The following ICE2 variants were observed in gnomAD, a reference collection of about 807,000 sequenced individuals.
ICE2 encodes little elongation complex subunit 2.
A neutral mutation model predicts 105.4 loss-of-function variants in ICE2; 87 were observed. The observed-to-expected ratio is 0.83, with a 90% CI of 0.69 to 0.99. ICE2 has a LOEUF of 0.99. Among genes scored for constraint, ICE2 ranks in the 50% least tolerant of loss-of-function variants. The probability of loss-of-function intolerance (pLI) is 0.00; values close to 1 mark genes in which losing one functional copy is unlikely to be tolerated. For synonymous variants in ICE2, 399 were observed against 392.0 expected (o/e 1.02, Z -0.21); for missense variants, 1,323 against 1,146.7 (o/e 1.15, Z -2.22).
chr15:60,450,285 G>A (rs992796894), intron 9 of ICE2, among the ~76,000 whole-genome samples: 7 of 152,260 alleles, frequency 4.6e-5, no homozygotes, highest in South Asian at 2.1e-4. Flanking sequence ...TTTTTAATGC[G>A]TCCAGAGAAG....
chr15:60,458,278 C>T (rs1427641393), intron 5 of ICE2, among the ~76,000 whole-genome samples: 2 of 152,038 alleles, frequency 1.3e-5, no homozygotes, highest in African/African-American at 4.8e-5. Flanking sequence ...TCAGGCTGTT[C>T]CCCATCACTC....
At chr15:60,433,805 A>T (rs887969310) in intron 13 of ICE2, among the ~76,000 whole-genome samples, 9 of 145,102 alleles carry the variant, frequency 6.2e-5, no homozygotes, top group African/African-American at 2.1e-4. Context: ...CCTTTTTTTT[A>T]AAAAAAAAAA....
At position 60,428,569 on chromosome 15, in the gene ICE2, C is replaced by A; in HGVS notation, c.2680G>T (p.Gly894Cys). 1 of 1,613,972 alleles carries A rather than the reference C, an allele frequency of 6.2e-7. No individual in the cohort carries two copies. The highest frequency in any genetic ancestry group is 8.5e-7 in the Non-Finnish European group (1 of 1,179,998). ...AGACTGGAAGGTACACCAGGAAGGC[C>A]GCAATGTGTTTTATACAAATTGTAT... ...TAYNLYKTHC[G>C]LPGVPSSLSV... The change falls in exon 15 of 16, where the codon GGC (glycine) becomes TGC (cysteine). Residue 894 changes from glycine to cysteine, a missense_variant. Physicochemically the swap from Gly to Cys is radical, Grantham distance 159 (BLOSUM62 -3). Coordinates refer to ENST00000261520, the MANE Select transcript of ICE2 (RefSeq NM_024611.6).
At position 60,428,146 on chromosome 15, in the gene ICE2, ATAAGGGTT is replaced by A. The variant is rs374845479; in HGVS notation, c.2820+275_2820+282del. 2.2e-3 allele frequency among the ~76,000 whole-genome samples: 330 copies of A among 152,342 alleles called. 1 individual carries two copies. Among genetic ancestry groups the A allele is most frequent in the African/African-American group, 7.7e-3 (320 of 41,576 alleles). On this transcript the variant is annotated intron_variant, in intron 15 of 15. Coordinates refer to ENST00000261520, the MANE Select transcript of ICE2 (RefSeq NM_024611.6). ...CCACAACTTTGCTTTTCATAGGAAT[ATAAGGGTT>A]TAACTACATGGATGCCTTACCCATA...
chr15:60,435,637 G>A (rs999489945), intron 13 of ICE2, among the ~76,000 whole-genome samples: 22 of 149,308 alleles, frequency 1.5e-4, no homozygotes, highest in African/African-American at 5.2e-4. Context: ...CCCAAAATAC[G>A]TATAACCGTC....
Position 60,449,107 on chromosome 15 carries a change from A to G in ICE2, c.1860T>C (p.Asn620=), listed in dbSNP as rs945371322. ...SGQASVGNQT[N]TACSPEESCV... is the part of the protein sequence containing the mutation. The stretch of plus-strand genomic sequence containing the variant: ...ATGACTCTTCAGGACTACAAGCAGT[A>G]TTAGTCTGGTTTCCTACAGAAGCCT... Residue 620 remains asparagine (N), a synonymous_variant, in exon 10 of 16, where the codon AAT becomes AAC. Transcript: ENST00000261520. The G allele has an allele frequency of 6.2e-7, 1 of 1,613,976 alleles. No individual in the cohort carries two copies. Among genetic ancestry groups the G allele is most frequent in the African/African-American group, 1.3e-5 (1 of 74,926 alleles).
chr15:60,466,473 G>A, intron 5 of ICE2, 121 bp downstream of exon 5: 1 of 1,105,568 alleles, frequency 9.0e-7, no homozygotes, highest in South Asian at 1.4e-5. Flanking sequence ...GAAAAGACCT[G>A]TGGTTTTTAA....
intron 5 of ICE2, among the ~76,000 whole-genome samples, chr15:60,460,391 G>A (rs1476440156): frequency 1.3e-5 from 2 of 152,154 alleles, no homozygotes; most frequent in Non-Finnish European, 2.9e-5. Flanking sequence ...TCAGCTACTC[G>A]GTAGGCCGAG....
At chr15:60,443,187 G>A (rs1327821748) in intron 11 of ICE2, 2 of 152,124 alleles carry the variant, frequency 1.3e-5, no homozygotes. Flanking sequence ...ACCTATTACT[G>A]GCCTAAGGGA....
At chr15:60,452,175 T>C in intron 9 of ICE2, 1 of 967,596 alleles carries the variant, frequency 1.0e-6, no homozygotes, top group Non-Finnish European at 1.2e-6. Flanking sequence ...GAAGAAAACA[T>C]AAGTTAAAAA....
At chr15:60,442,690 A>ATT in intron 11 of ICE2, 145 bp from the exon 12 acceptor site, 1 of 605,658 alleles carries the variant, frequency 1.7e-6, no homozygotes, top group Non-Finnish European at 2.8e-6. Flanking sequence ...TCACACTGTA[A>ATT]GATGGATACA....
At chr15:60,444,271 A>G (rs753312161) in intron 11 of ICE2, among the ~76,000 whole-genome samples, 13 of 152,172 alleles carry the variant, frequency 8.5e-5, no homozygotes, top group African/African-American at 1.4e-4. Flanking sequence ...TAAAAAGCAA[A>G]TACTTTGGGA....
At chr15:60,428,334 G>A in intron 15 of ICE2, 95 bp downstream of exon 15, 1 of 1,298,478 alleles carries the variant, frequency 7.7e-7, no homozygotes, top group Non-Finnish European at 1.1e-6. Flanking sequence ...TGATTAATAT[G>A]ACAATGAGAA....
At chr15:60,468,032 T>C in intron 4 of ICE2, 29 bp downstream of exon 4, 1 of 1,481,950 alleles carries the variant, frequency 6.7e-7, no homozygotes, top group Non-Finnish European at 9.0e-7. Context: ...TTATTATTTT[T>C]TCCTGAAACT....
chr15:60,467,399 A>C (rs1274813219), intron 4 of ICE2, among the ~76,000 whole-genome samples: 1 of 152,254 alleles, frequency 6.6e-6, no homozygotes, highest in African/African-American at 2.4e-5. Context: ...TCATAAATTA[A>C]ATTAATGTAA....
chr15:60,477,923 T>C lies in ICE2; in HGVS notation c.41+14A>G, dbSNP rs759779089. The C allele has an allele frequency of 6.2e-7, 1 of 1,611,666 alleles. No individual in the cohort carries two copies. The highest frequency in any genetic ancestry group is 8.5e-7 in the Non-Finnish European group (1 of 1,177,740). ...CACTCCTCTTCAGTGGATTACAAAG[T>C]GGCTACAACTCACCAATTCAGTCCT... On this transcript the variant is annotated intron_variant, in intron 2 of 15. Coordinates refer to ENST00000261520, the MANE Select transcript of ICE2 (RefSeq NM_024611.6).
chr15:60,474,610 T>C (rs528267415), intron 3 of ICE2, among the ~76,000 whole-genome samples: 2 of 152,204 alleles, frequency 1.3e-5, no homozygotes, highest in Non-Finnish European at 2.9e-5. Flanking sequence ...GATTGGGGAG[T>C]TTAATTAATT....
At chr15:60,460,639 T>C (rs1257743179) in intron 5 of ICE2, among the ~76,000 whole-genome samples, 1 of 152,200 alleles carries the variant, frequency 6.6e-6, no homozygotes, top group Admixed American at 6.5e-5. Flanking sequence ...CTTTGTAGTG[T>C]TAGGCTGTCC....
At chr15:60,427,839 A>G (rs1414914646) in intron 15 of ICE2, among the ~76,000 whole-genome samples, 1 of 152,238 alleles carries the variant, frequency 6.6e-6, no homozygotes, top group Non-Finnish European at 1.5e-5. Context: ...ATGTCATTCA[A>G]CTGTTACTTT....
Sources: gnomAD v4.1 joint callset for allele counts (sites outside exome capture counted in the v4.1 genomes callset) on GRCh38, gnomAD v4.1.1 for gene constraint, MANE v1.5 for transcripts, NCBI Gene and HGNC (gene_info 2026-07-23, HGNC 2026-07-21) for gene names.